Variants in CSMD1 observed in about 807,000 individuals in gnomAD.
The protein encoded by CSMD1 is CUB and sushi domain-containing protein 1.
CSMD1 carries 213 observed loss-of-function variants against 417.5 expected under a neutral mutation model. That is an observed-to-expected ratio of 0.51 (90% confidence interval 0.46 to 0.57). CSMD1 has a LOEUF of 0.57. Among genes scored for constraint, CSMD1 ranks in the 20% least tolerant of loss-of-function variants. The pLI, the probability that CSMD1 is intolerant of heterozygous loss-of-function variation, is 0.00. For missense variants in CSMD1, 6,923 were observed against 4,529.7 expected (o/e 1.53, Z -15.17); for synonymous variants, 2,862 against 1,736.8 (o/e 1.65, Z -16.11).
intron 5 of CSMD1, among the ~76,000 whole-genome samples, chr8:3,785,252 G>C (rs1327839110): frequency 2.0e-5 from 3 of 152,232 alleles, no homozygotes; most frequent in Non-Finnish European, 2.9e-5. Context: ...GCTCAGAAGA[G>C]TGTCTGTTTC....
rs145660799 is a variant in CSMD1, at chr8:3,445,203, C to G, written c.1561+23509G>C. On this transcript the variant is annotated intron_variant, in intron 12 of 69. Coordinates refer to ENST00000635120, the MANE Select transcript of CSMD1 (RefSeq NM_033225.6). ...TTTAATAATTCTTTTATCACCTCAT[C>G]ATGAAGGAAAAGGAAGCCATTTTCA... is the stretch of plus-strand genomic sequence containing the variant. Among the ~76,000 whole-genome samples the G allele has an allele frequency of 6.7e-3, 1,023 of 152,278 alleles. 10 individuals carry two copies. The highest frequency in any genetic ancestry group is 0.023 in the African/African-American group (966 of 41,558).
intron 1 of CSMD1, among the ~76,000 whole-genome samples, chr8:4,650,664 A>G (rs1402538519): frequency 3.3e-5 from 5 of 152,118 alleles, no homozygotes; most frequent in Non-Finnish European, 7.4e-5. Flanking sequence ...GTTAAAAAAA[A>G]AAAAGATACA....
intron 1 of CSMD1, among the ~76,000 whole-genome samples, chr8:4,917,249 T>G (rs1806126192): frequency 6.6e-6 from 1 of 152,116 alleles, no homozygotes; most frequent in Non-Finnish European, 1.5e-5. Flanking sequence ...GAGACAGCAG[T>G]AGGGGGATGG....
chr8:3,984,104 G>GAGCACATTGCAGATCTGATGGGACTGT, intron 5 of CSMD1, among the ~76,000 whole-genome samples: 1 of 141,770 alleles, frequency 7.1e-6, no homozygotes, highest in Non-Finnish European at 1.6e-5. Context: ...GCTGTCAATA[G>GAGCACATTGCAGATCTGATGGGACTGT]CAACTCTAGA....
At chr8:4,428,880 A>G (rs1157176820) in intron 2 of CSMD1, among the ~76,000 whole-genome samples, 1 of 151,916 alleles carries the variant, frequency 6.6e-6, no homozygotes, top group East Asian at 1.9e-4. Flanking sequence ...ACGTCCAGCT[A>G]ATTTTTGCAT....
chr8:3,912,014 G>A lies in CSMD1; in HGVS notation c.818+85889C>T, dbSNP rs1808496010. Among the ~76,000 whole-genome samples, 4 of 152,082 alleles carry A rather than the reference G, an allele frequency of 2.6e-5. No individual in the cohort carries two copies. The South Asian group carries it at 8.3e-4, about 32-fold the overall frequency. On this transcript the variant is annotated intron_variant, in intron 5 of 69. Coordinates refer to ENST00000635120, the MANE Select transcript of CSMD1 (RefSeq NM_033225.6). ...AAAATAGTTCAAAGGATCACCAATT[G>A]TCATATAGACACATATGGAGTATAT... is the stretch of plus-strand genomic sequence containing the variant.
chr8:3,141,562 G>C lies in CSMD1; in HGVS notation c.6241+903C>G, dbSNP rs188825705. ...TTCCAAGTCTGAACCTCCCCAAATT[G>C]CTCCTGGGATCACATCACTATTGTA... On this transcript the variant is annotated intron_variant, in intron 41 of 69. Coordinates refer to ENST00000635120, the MANE Select transcript of CSMD1 (RefSeq NM_033225.6). 3.0e-3 allele frequency among the ~76,000 whole-genome samples: 449 copies of C among 152,194 alleles called. 3 individuals carry two copies. Among genetic ancestry groups the C allele is most frequent in the African/African-American group, 0.01 (427 of 41,532 alleles).
At chr8:3,586,923 C>T (rs1181886204) in intron 8 of CSMD1, among the ~76,000 whole-genome samples, 1 of 152,158 alleles carries the variant, frequency 6.6e-6, no homozygotes, top group Non-Finnish European at 1.5e-5. Flanking sequence ...CCTCAGCCTC[C>T]TGAGTAGCTG....
At chr8:4,278,522 C>T (rs1160855619) in intron 3 of CSMD1, among the ~76,000 whole-genome samples, 1 of 152,076 alleles carries the variant, frequency 6.6e-6, no homozygotes, top group East Asian at 1.9e-4. Flanking sequence ...TGAGTTTTAC[C>T]ATTAAAGTAA....
chr8:3,281,458 G>A (rs1355197103), intron 26 of CSMD1, among the ~76,000 whole-genome samples: 4 of 151,966 alleles, frequency 2.6e-5, no homozygotes, highest in Non-Finnish European at 5.9e-5. Context: ...AAAAAAACGG[G>A]TAAATAAACT....
chr8:4,298,150 A>G (rs1797786981), intron 3 of CSMD1, among the ~76,000 whole-genome samples: 1 of 152,170 alleles, frequency 6.6e-6, no homozygotes, highest in South Asian at 2.1e-4. Context: ...ATGGTATAGA[A>G]GAAAAGTTTA....
intron 6 of CSMD1, among the ~76,000 whole-genome samples, chr8:3,749,139 A>G (rs1397128008): frequency 6.6e-6 from 1 of 152,178 alleles, no homozygotes; most frequent in Non-Finnish European, 1.5e-5. Context: ...GACACTGAAA[A>G]CGTCTAGATG....
chr8:3,341,943 C>A (rs1051309978), intron 23 of CSMD1, among the ~76,000 whole-genome samples: 1 of 152,164 alleles, frequency 6.6e-6, no homozygotes, highest in Admixed American at 6.6e-5. Context: ...CAATAGCATT[C>A]ATTCCATCTG....
chr8:4,300,843 G>A (rs980294797), intron 3 of CSMD1, among the ~76,000 whole-genome samples: 2 of 152,108 alleles, frequency 1.3e-5, no homozygotes, highest in African/African-American at 4.8e-5. Flanking sequence ...TTTCATCCAT[G>A]TCCCTACAAA....
At chr8:3,393,246 T>G (rs1015559999) in intron 17 of CSMD1, among the ~76,000 whole-genome samples, 10 of 152,190 alleles carry the variant, frequency 6.6e-5, no homozygotes, top group Admixed American at 2.6e-4. Flanking sequence ...GAAGTCACAG[T>G]GCTGGAAAGT....
At position 3,930,872 on chromosome 8, in the gene CSMD1, G is replaced by C. The variant is rs954371499; in HGVS notation, c.818+67031C>G. On this transcript the variant is annotated intron_variant, in intron 5 of 69. Coordinates refer to ENST00000635120, the MANE Select transcript of CSMD1 (RefSeq NM_033225.6). Reference sequence around the variant, plus strand: ...ATCTTAATAGTTAACTTACATTTTAGTCTAGTTTTAAAACCTAACAAATGT... The same window carrying C: ...ATCTTAATAGTTAACTTACATTTTACTCTAGTTTTAAAACCTAACAAATGT... Among the ~76,000 whole-genome samples, 3 of 150,676 alleles carry C rather than the reference G, an allele frequency of 2.0e-5. No homozygotes were observed. In the East Asian group the frequency reaches 5.8e-4, roughly 29 times the overall value.
intron 5 of CSMD1, among the ~76,000 whole-genome samples, chr8:3,821,705 C>G (rs114091741): frequency 0.02 from 3,039 of 152,244 alleles, 104 homozygotes; most frequent in African/African-American, 0.068. Flanking sequence ...CTGCTTGAAC[C>G]CAGGAGCGGG....
chr8:3,964,011 CAAAG>C (rs139912603), intron 5 of CSMD1, among the ~76,000 whole-genome samples: 2,725 of 152,204 alleles, frequency 0.018, 88 homozygotes, highest in African/African-American at 0.062. Context: ...CCAGAATGCA[CAAAG>C]AAACTTCATG....
At chr8:3,346,434 A>G (rs1439849517) in intron 22 of CSMD1, among the ~76,000 whole-genome samples, 1 of 152,202 alleles carries the variant, frequency 6.6e-6, no homozygotes, top group Admixed American at 6.5e-5. Context: ...CGATGTAACT[A>G]TTTCTTTTTA....
Sources: allele counts gnomAD v4.1 joint callset (sites outside exome capture counted in the v4.1 genomes callset), GRCh38; gene constraint gnomAD v4.1.1; transcripts MANE v1.5; gene names NCBI Gene and HGNC (gene_info 2026-07-23, HGNC 2026-07-21).